The following NEXN variants were observed in gnomAD, a reference collection of about 807,000 sequenced individuals.
NEXN encodes nexilin.
A neutral mutation model predicts 92.6 loss-of-function variants in NEXN; 65 were observed. The observed-to-expected ratio is 0.70, with a 90% confidence interval of 0.57 to 0.86. NEXN has a LOEUF of 0.86. Ranked by LOEUF, NEXN falls within the 40% of genes least tolerant of loss-of-function variation. NEXN has a pLI of 0.00. For synonymous variants in NEXN, 254 were observed against 242.5 expected (o/e 1.05, Z -0.44); for missense variants, 778 against 771.1 (o/e 1.01, Z -0.11).
intron 1 of NEXN, among the ~76,000 whole-genome samples, chr1:77,903,225 GAA>G (rs879657473): frequency 7.4e-6 from 1 of 135,900 alleles, no homozygotes; most frequent in African/African-American, 2.7e-5. Flanking sequence ...CATAAGAAAT[GAA>G]AAAAAAAAAA....
intron 2 of NEXN, 75 bp downstream of exon 2, chr1:77,916,208 C>A: frequency 8.5e-7 from 1 of 1,177,340 alleles, no homozygotes; most frequent in South Asian, 1.3e-5. Context: ...AAAGGACAGT[C>A]ATTTGGTGGA....
chr1:77,901,065 G>T (rs1045439031), intron 1 of NEXN, among the ~76,000 whole-genome samples: 1 of 152,208 alleles, frequency 6.6e-6, no homozygotes, highest in African/African-American at 2.4e-5. Flanking sequence ...TCTAGAATGA[G>T]AACTTGATAT....
At chr1:77,930,540 T>A (rs1650205308) in intron 9 of NEXN, among the ~76,000 whole-genome samples, 2 of 152,244 alleles carry the variant, frequency 1.3e-5, no homozygotes, top group Admixed American at 6.5e-5. Context: ...ACTGTTTTGC[T>A]TAATATTTCC....
chr1:77,941,897 A>T (rs1651348124), intron 11 of NEXN, 126 bp from the exon 12 acceptor site: 1 of 889,390 alleles, frequency 1.1e-6, no homozygotes, highest in African/African-American at 1.7e-5. Flanking sequence ...GAGTGTCTGC[A>T]GTGTAGCAAA....
chr1:77,920,416 G>C (rs1345212383), intron 5 of NEXN, among the ~76,000 whole-genome samples: 1 of 152,038 alleles, frequency 6.6e-6, no homozygotes, highest in African/African-American at 2.4e-5. Context: ...GTAGCTGAAT[G>C]ACTTGGTGAC....
chr1:77,941,976 G>A (rs1196225644), intron 11 of NEXN, 47 bp from the exon 12 acceptor site: 3 of 1,579,640 alleles, frequency 1.9e-6, no homozygotes, highest in South Asian at 1.1e-5. Context: ...ACGCTTCTTT[G>A]TTTTTAGAAG....
At position 77,898,994 on chromosome 1, in the gene NEXN, T is replaced by A. The variant is rs942192233; in HGVS notation, c.-53+10235T>A. On this transcript the variant is annotated intron_variant, in intron 1 of 12. Transcript: ENST00000334785. ...CACCAGTTAGAATGGCGATCATTAA[T>A]AAGTCAGGAAATAACAGGTGCTGGA... 6.7e-3 allele frequency among the ~76,000 whole-genome samples: 1,020 copies of A among 152,272 alleles called. 10 individuals carry two copies. The highest frequency in any genetic ancestry group is 0.023 in the African/African-American group (962 of 41,560).
At chr1:77,889,400 G>C (rs1412327563) in intron 1 of NEXN, 1 of 150,666 alleles carries the variant, frequency 6.6e-6, no homozygotes, top group Non-Finnish European at 1.5e-5. Context: ...GGGATGCTGG[G>C]GGTTGAGCAA....
chr1:77,934,262 G>A (rs966144503), intron 10 of NEXN, among the ~76,000 whole-genome samples: 21 of 151,932 alleles, frequency 1.4e-4, no homozygotes, highest in Non-Finnish European at 2.5e-4. Context: ...CGCCCACCTC[G>A]GCCTCCCAAA....
At chr1:77,898,407 G>C (rs1396336420) in intron 1 of NEXN, among the ~76,000 whole-genome samples, 2 of 152,154 alleles carry the variant, frequency 1.3e-5, no homozygotes, top group African/African-American at 2.4e-5. Context: ...ACAAGCAATG[G>C]GGAAAGGATT....
rs547159689 is a variant in NEXN at position 77,901,654 on chromosome 1, A to G, written c.-53+12895A>G. ...TGCCCCTTTAAGGTGGCCAAGAACCACCTTAGGATCCTCAATAATGGGCCC... is the reference window on the plus strand; with the variant it reads ...TGCCCCTTTAAGGTGGCCAAGAACCGCCTTAGGATCCTCAATAATGGGCCC... On this transcript the variant is annotated intron_variant, in intron 1 of 12. Transcript: ENST00000334785. Among the ~76,000 whole-genome samples, 8 of 152,286 alleles carry G rather than the reference A, an allele frequency of 5.3e-5. No individual in the cohort carries two copies. In the East Asian group the frequency reaches 1.5e-3, roughly 29 times the overall value.
At chr1:77,902,476 T>C (rs1383735003) in intron 1 of NEXN, among the ~76,000 whole-genome samples, 2 of 152,130 alleles carry the variant, frequency 1.3e-5, no homozygotes, top group Non-Finnish European at 2.9e-5. Context: ...TCTGAGAGGA[T>C]AGGAGGATGT....
chr1:77,898,177 A>G (rs1414657680), intron 1 of NEXN, among the ~76,000 whole-genome samples: 2 of 152,164 alleles, frequency 1.3e-5, no homozygotes, highest in African/African-American at 4.8e-5. Flanking sequence ...GTTCATATGG[A>G]ACCAAAAAAG....
At position 77,935,855 on chromosome 1, in the gene NEXN, C is replaced by G; in HGVS notation, c.1284C>G (p.Ser428Arg). Residue 428 changes from serine (S) to arginine (R), a missense_variant, in exon 11 of 13, where the codon AGC becomes AGG. Transcript: ENST00000334785. ...EEEENETFGL[S>R]REYEELIKLK... ...AAGAAAATGAAACCTTTGGATTGAG[C>G]AGAGAATATGAAGAACTGATCAAAT... 6.2e-7 allele frequency: 1 copy of G among 1,612,892 alleles called. No individual in the cohort carries two copies. The highest frequency in any genetic ancestry group is 8.5e-7 in the Non-Finnish European group (1 of 1,179,830).
intron 10 of NEXN, 64 bp downstream of exon 10, chr1:77,933,543 C>T: frequency 3.5e-6 from 4 of 1,150,060 alleles, no homozygotes; most frequent in Non-Finnish European, 5.1e-6. Context: ...ACTTATATCA[C>T]CTTATAATAA....
intron 1 of NEXN, among the ~76,000 whole-genome samples, chr1:77,897,272 C>A (rs1470825892): frequency 2.0e-5 from 3 of 152,056 alleles, no homozygotes; most frequent in African/African-American, 7.3e-5. Context: ...AAAATACTGG[C>A]AAACTGAATC....
At position 77,917,601 on chromosome 1, in the gene NEXN, C is replaced by G; in HGVS notation, c.63C>G (p.Thr21=). Residue 21 remains threonine, a synonymous_variant, in exon 3 of 13, where the codon ACC becomes ACG. Coordinates refer to ENST00000334785, the MANE Select transcript of NEXN (RefSeq NM_144573.4). The part of the protein sequence containing the change: ...LLSSSKPVPK[T]YVPKLGKGDV... Reference sequence around the variant, plus strand: ...CTTCATCTAAACCTGTCCCAAAAACCTATGTACCAAAACTTGGCAAGGGTG... The same window carrying G: ...CTTCATCTAAACCTGTCCCAAAAACGTATGTACCAAAACTTGGCAAGGGTG... The G allele has an allele frequency of 6.2e-7, 1 of 1,613,316 alleles. No individual in the cohort carries two copies. Among genetic ancestry groups the G allele is most frequent in the Non-Finnish European group, 8.5e-7 (1 of 1,179,672 alleles).
In NEXN at chr1:77,942,164, C is replaced by G; in HGVS notation, c.1615C>G (p.Arg539Gly). ...AAGAATTGAAGAACAAAAGTTACTA[C>G]GCATGCAGTTTGAACAAAGGGAAAT... ...QRRIEEQKLL[R>G]MQFEQREIDA... Residue 539 changes from arginine (R) to glycine (G), a missense_variant, in exon 12 of 13, where the codon CGC becomes GGC. Arg to Gly is a moderately radical substitution (Grantham distance 125, BLOSUM62 -2). Around this residue, in one of 3 missense-constraint regions of NEXN, gnomAD observed 532 missense variants for 476.7 expected, o/e 1.12. Coordinates refer to ENST00000334785, the MANE Select transcript of NEXN (RefSeq NM_144573.4). 1.9e-6 allele frequency: 3 copies of G among 1,613,660 alleles called. No individual in the cohort carries two copies. The highest frequency in any genetic ancestry group is 2.5e-6 in the Non-Finnish European group (3 of 1,179,692).
At chr1:77,901,167 T>C (rs1647675947) in intron 1 of NEXN, among the ~76,000 whole-genome samples, 1 of 152,184 alleles carries the variant, frequency 6.6e-6, no homozygotes, top group African/African-American at 2.4e-5. Context: ...TAGGGGTCCA[T>C]AAAGTCCTTC....
Sources: gnomAD v4.1 joint callset for allele counts (sites outside exome capture counted in the v4.1 genomes callset) on GRCh38, gnomAD v4.1.1 for gene constraint, gnomAD v4.1.1 regional missense constraint, MANE v1.5 for transcripts, NCBI Gene and HGNC (gene_info 2026-07-23, HGNC 2026-07-21) for gene names.